The following ABTB3 variants were observed in gnomAD, a reference collection of about 807,000 sequenced individuals.
ABTB3 encodes the protein ankyrin repeat and BTB domain containing 3, also known as ankyrin repeat- and BTB/POZ domain-containing protein 3.
chr12:107,548,826 C>T, the ABTB3 span, among the ~76,000 whole-genome samples: 9 of 152,196 alleles, frequency 5.9e-5, no homozygotes, highest in East Asian at 7.7e-4. Flanking sequence ...GTATCATTAC[C>T]GGAAATATCC....
At chr12:107,515,949 A>G in the ABTB3 span, among the ~76,000 whole-genome samples, 1 of 152,064 alleles carries the variant, frequency 6.6e-6, no homozygotes, top group Admixed American at 6.6e-5. Flanking sequence ...GAAAAGGAAA[A>G]CAAATGAGAG....
the ABTB3 span, among the ~76,000 whole-genome samples, chr12:107,566,321 A>T: frequency 3.9e-5 from 6 of 151,994 alleles, no homozygotes; most frequent in Non-Finnish European, 8.8e-5. Context: ...TGGTGTCATT[A>T]TGTTTTCTTA....
the ABTB3 span, among the ~76,000 whole-genome samples, chr12:107,472,688 C>A: frequency 6.6e-6 from 1 of 152,198 alleles, no homozygotes; most frequent in East Asian, 1.9e-4. Context: ...GTTATCAGCA[C>A]CGCGCCAAGT....
chr12:107,406,280 G>C, the ABTB3 span, among the ~76,000 whole-genome samples: 2 of 152,186 alleles, frequency 1.3e-5, no homozygotes, highest in African/African-American at 4.8e-5. Context: ...AGATGTCCCA[G>C]TCAGCCAGGT....
At chr12:107,567,851 C>T in the ABTB3 span, among the ~76,000 whole-genome samples, 2 of 152,202 alleles carry the variant, frequency 1.3e-5, no homozygotes, top group African/African-American at 4.8e-5. Flanking sequence ...CCCCTACCCC[C>T]AGTCTGTGGA....
At chr12:107,348,923 A>G in the ABTB3 span, among the ~76,000 whole-genome samples, 1 of 152,220 alleles carries the variant, frequency 6.6e-6, no homozygotes, top group Non-Finnish European at 1.5e-5. Context: ...GACCCTAGGC[A>G]GAGTTCCAGG....
the ABTB3 span, among the ~76,000 whole-genome samples, chr12:107,393,879 G>A: frequency 4.6e-5 from 7 of 152,050 alleles, no homozygotes; most frequent in East Asian, 1.9e-4. Context: ...GCAGTGGGCC[G>A]AGATCGCACC....
At chr12:107,602,688 T>C in the ABTB3 span, among the ~76,000 whole-genome samples, 1 of 152,222 alleles carries the variant, frequency 6.6e-6, no homozygotes, top group Non-Finnish European at 1.5e-5. Context: ...ATTTCTATGC[T>C]AGCTTTAAAA....
the ABTB3 span, among the ~76,000 whole-genome samples, chr12:107,427,216 A>G: frequency 5.3e-5 from 8 of 151,356 alleles, no homozygotes; most frequent in Admixed American, 2.0e-4. Context: ...TTGTGGGTGC[A>G]CCACTCCATT....
chr12:107,528,604 C>A, the ABTB3 span, among the ~76,000 whole-genome samples: 1 of 152,158 alleles, frequency 6.6e-6, no homozygotes, highest in African/African-American at 2.4e-5. Context: ...ATGACACTGA[C>A]AAGGGAAGCA....
chr12:107,477,829 T>C, the ABTB3 span, among the ~76,000 whole-genome samples: 2 of 152,172 alleles, frequency 1.3e-5, no homozygotes, highest in African/African-American at 2.4e-5. Context: ...TCTATATAGA[T>C]GCTTACTCTG....
At chr12:107,529,035 G>T in the ABTB3 span, among the ~76,000 whole-genome samples, 1 of 151,106 alleles carries the variant, frequency 6.6e-6, no homozygotes, top group Non-Finnish European at 1.5e-5. Context: ...TGGTGATGGT[G>T]ATGATGATGA....
At chr12:107,570,696 C>G in the ABTB3 span, among the ~76,000 whole-genome samples, 305 of 151,866 alleles carry the variant, frequency 2.0e-3, 3 homozygotes, top group African/African-American at 7.1e-3. Flanking sequence ...GTAGTCCTAT[C>G]TGAGGAAGAA....
At chr12:107,481,922 TC>T in the ABTB3 span, among the ~76,000 whole-genome samples, 4 of 150,540 alleles carry the variant, frequency 2.7e-5, no homozygotes, top group Admixed American at 6.6e-5. Flanking sequence ...TCTCTCTCTC[TC>T]TCTCTTTCTT....
the ABTB3 span, among the ~76,000 whole-genome samples, chr12:107,595,347 A>T: frequency 3.9e-5 from 6 of 152,146 alleles, no homozygotes; most frequent in Admixed American, 2.6e-4. Context: ...AGGGGAGCAG[A>T]TTTGACCTGA....
At chr12:107,399,134 A>G in the ABTB3 span, among the ~76,000 whole-genome samples, 6 of 152,286 alleles carry the variant, frequency 3.9e-5, no homozygotes, top group Admixed American at 2.0e-4. Context: ...GTCTTTGAAC[A>G]CCAGAGGAAG....
At chr12:107,469,716 C>G in the ABTB3 span, among the ~76,000 whole-genome samples, 470 of 152,240 alleles carry the variant, frequency 3.1e-3, 1 homozygote, top group Middle Eastern at 0.01. Context: ...CTGGCACACA[C>G]GAGCACTTAT....
the ABTB3 span, chr12:107,610,457 A>C: frequency 7.2e-7 from 1 of 1,395,866 alleles, no homozygotes; most frequent in African/African-American, 1.4e-5. Flanking sequence ...GGCGCTGGGC[A>C]GAGGCTCCCC....
chr12:107,448,026 T>C, the ABTB3 span, among the ~76,000 whole-genome samples: 1 of 152,164 alleles, frequency 6.6e-6, no homozygotes, highest in Non-Finnish European at 1.5e-5. Flanking sequence ...TAAAGACTTT[T>C]CCATAATTGT....
Sources: gnomAD v4.1 joint callset for allele counts (sites outside exome capture counted in the v4.1 genomes callset) on GRCh38, gnomAD v4.1.1 for gene constraint, MANE v1.5 for transcripts, NCBI Gene and HGNC (gene_info 2026-07-23, HGNC 2026-07-21) for gene names.